Variants in STK4 observed in about 807,000 individuals in gnomAD.
The protein encoded by STK4 is serine/threonine-protein kinase 4.
A neutral mutation model predicts 64.9 loss-of-function variants in STK4; 30 were observed. That is an observed-to-expected ratio of 0.46 (90% CI 0.35 to 0.63). The LOEUF (loss-of-function observed/expected upper bound fraction) is 0.63, where lower values mean the gene tolerates loss of function less well. STK4 is among the 20% of genes least tolerant of loss of function. STK4 has a pLI of 0.01. For missense variants in STK4, 466 were observed against 598.5 expected (o/e 0.78, Z 2.31); for synonymous variants, 177 against 199.0 (o/e 0.89, Z 0.93).
chr20:45,062,097 C>G (rs1979080818), intron 10 of STK4, among the ~76,000 whole-genome samples: 1 of 152,092 alleles, frequency 6.6e-6, no homozygotes, highest in Non-Finnish European at 1.5e-5. Flanking sequence ...CCACCCTGGT[C>G]TGAAATTCCT....
chr20:45,024,002 G>A (rs375320898), intron 9 of STK4, among the ~76,000 whole-genome samples: 3 of 146,136 alleles, frequency 2.1e-5, no homozygotes, highest in South Asian at 2.2e-4. Flanking sequence ...CCGGGTTCAC[G>A]CCATTCTCCT....
At chr20:44,977,561 G>A (rs1461451578) in intron 2 of STK4, among the ~76,000 whole-genome samples, 4 of 152,128 alleles carry the variant, frequency 2.6e-5, no homozygotes, top group Non-Finnish European at 5.9e-5. Flanking sequence ...CATCTTGTAA[G>A]GTAGTTTGTA....
chr20:45,019,995 G>C (rs183326312), intron 9 of STK4, among the ~76,000 whole-genome samples: 1 of 152,258 alleles, frequency 6.6e-6, no homozygotes, highest in East Asian at 1.9e-4. Flanking sequence ...TCTGCACTTA[G>C]TTTAATGGCA....
chr20:45,064,690 G>T (rs998465220), intron 10 of STK4, among the ~76,000 whole-genome samples: 1 of 151,896 alleles, frequency 6.6e-6, no homozygotes. Flanking sequence ...TATTTCCCTG[G>T]TATTTTATTT....
intron 4 of STK4, 70 bp from the exon 5 acceptor site, chr20:44,987,062 T>C: frequency 1.5e-6 from 2 of 1,321,734 alleles, no homozygotes; most frequent in Non-Finnish European, 2.1e-6. Flanking sequence ...GGTTTGGATC[T>C]GATTTTTTCT....
At chr20:45,052,035 T>G (rs1289676937) in intron 10 of STK4, among the ~76,000 whole-genome samples, 1 of 152,212 alleles carries the variant, frequency 6.6e-6, no homozygotes, top group African/African-American at 2.4e-5. Flanking sequence ...CCAGGCATCT[T>G]GGATAAGGGA....
chr20:45,029,282 T>C (rs1157864782), intron 10 of STK4, among the ~76,000 whole-genome samples: 2 of 152,118 alleles, frequency 1.3e-5, no homozygotes, highest in Non-Finnish European at 2.9e-5. Context: ...CTTCACTCAT[T>C]TGTATTAACT....
chr20:45,026,020 C>T (rs536791221), intron 10 of STK4, among the ~76,000 whole-genome samples: 1 of 152,090 alleles, frequency 6.6e-6, no homozygotes, highest in Admixed American at 6.5e-5. Flanking sequence ...CCTTTGAGGA[C>T]CAGAATAACT....
intron 5 of STK4, among the ~76,000 whole-genome samples, chr20:44,994,412 A>G (rs967502934): frequency 2.6e-5 from 4 of 151,718 alleles, no homozygotes; most frequent in Non-Finnish European, 4.4e-5. Context: ...GCTATATTAT[A>G]TATAATTGTA....
chr20:44,987,975 T>TA (rs1880709478), intron 5 of STK4, among the ~76,000 whole-genome samples: 1 of 151,962 alleles, frequency 6.6e-6, no homozygotes, highest in African/African-American at 2.4e-5. Context: ...CGGTTTTTTT[T>TA]TTATTATTTT....
At chr20:45,041,385 A>G (rs2068611158) in intron 10 of STK4, among the ~76,000 whole-genome samples, 2 of 152,088 alleles carry the variant, frequency 1.3e-5, no homozygotes, top group South Asian at 4.1e-4. Flanking sequence ...TGTCCTGTCC[A>G]TACTTTTCTC....
intron 10 of STK4, among the ~76,000 whole-genome samples, chr20:45,042,618 A>G (rs543810822): frequency 5.7e-4 from 87 of 152,202 alleles, no homozygotes; most frequent in Non-Finnish European, 5.9e-4. Context: ...TCCAAGCACC[A>G]GTAATGCTGG....
intron 10 of STK4, among the ~76,000 whole-genome samples, chr20:45,040,446 T>G (rs2157362): frequency 1.3e-5 from 2 of 151,868 alleles, no homozygotes; most frequent in African/African-American, 2.4e-5. Context: ...AATCCTTTCA[T>G]CTATTTCTTA....
rs556392444 is a variant in STK4, at chr20:45,041,859, A to T, written c.1305+16729A>T. 5.3e-5 allele frequency among the ~76,000 whole-genome samples: 8 copies of T among 152,314 alleles called. No homozygotes were observed. In the South Asian group the frequency reaches 1.7e-3, roughly 32 times the overall value. Reference sequence around the variant, plus strand: ...CATTGTTTGTTAGCCTGCCGCAGGCATTAAAATGTTGCCAGGTGTTAACAA... The same window carrying T: ...CATTGTTTGTTAGCCTGCCGCAGGCTTTAAAATGTTGCCAGGTGTTAACAA... On this transcript the variant is annotated intron_variant, in intron 10 of 10. Transcript: ENST00000372806.
Position 45,075,204 on chromosome 20 carries a change from T to G in STK4, c.*28T>G. The G allele has an allele frequency of 6.2e-7, 1 of 1,609,540 alleles. No individual in the cohort carries two copies. Among genetic ancestry groups the G allele is most frequent in the Non-Finnish European group, 8.5e-7 (1 of 1,178,968 alleles). ...AAGGCCAGGCTGTGAGGGCCCCAGC[T>G]CCACCCAGGCTTTGGGTGAATTCTG... On this transcript the variant is annotated 3_prime_UTR_variant, in exon 11 of 11. Transcript: ENST00000372806.
intron 9 of STK4, among the ~76,000 whole-genome samples, chr20:45,012,679 T>C (rs2068071015): frequency 6.6e-6 from 1 of 152,148 alleles, no homozygotes; most frequent in South Asian, 2.1e-4. Context: ...GTTTTATTCA[T>C]TGTAACAGGT....
chr20:45,019,634 C>T (rs570289541), intron 9 of STK4, among the ~76,000 whole-genome samples: 8 of 152,256 alleles, frequency 5.3e-5, no homozygotes, highest in Non-Finnish European at 1.0e-4. Context: ...CATGCATTTC[C>T]GGCATCAGAT....
rs2067702804 is a variant in STK4, at chr20:44,995,037, G to A, written c.526-53G>A. ...TTTTTCTCTGTAGACTTCCTCTGTG[G>A]ACATCTCAGTAGTTTTAAGCTTAGT... is the stretch of plus-strand genomic sequence containing the variant. On this transcript the variant is annotated intron_variant, in intron 5 of 10. Coordinates refer to ENST00000372806, the MANE Select transcript of STK4 (RefSeq NM_006282.5). 4.4e-6 allele frequency: 6 copies of A among 1,362,300 alleles called. No individual in the cohort carries two copies. The South Asian group carries it at 7.6e-5, about 17-fold the overall frequency. 84.4% of individuals were successfully genotyped at this position (1,362,300 alleles called of 1,614,324 possible).
At chr20:44,972,183 G>A in intron 2 of STK4, 25 bp downstream of exon 2, 2 of 1,591,926 alleles carry the variant, frequency 1.3e-6, no homozygotes, top group Non-Finnish European at 8.6e-7. Flanking sequence ...ACTATAGGTA[G>A]GTCATTGGGT....
Sources: gnomAD v4.1 joint callset for allele counts (sites outside exome capture counted in the v4.1 genomes callset) on GRCh38, gnomAD v4.1.1 for gene constraint, MANE v1.5 for transcripts, NCBI Gene and HGNC (gene_info 2026-07-23, HGNC 2026-07-21) for gene names.